The following MED15 variants were observed in gnomAD, a reference collection of about 807,000 sequenced individuals.
The protein encoded by MED15 is mediator complex subunit 15, also known as mediator of RNA polymerase II transcription subunit 15.
A neutral mutation model predicts 118.7 loss-of-function variants in MED15; 41 were observed. That is an observed-to-expected ratio of 0.35 (90% CI 0.27 to 0.45). The LOEUF (loss-of-function observed/expected upper bound fraction) is 0.45, where lower values mean the gene tolerates loss of function less well. MED15 is among the 20% of genes least tolerant of loss of function. The pLI is 1.00. For missense variants in MED15, 740 were observed against 1,025.5 expected (o/e 0.72, Z 3.80); for synonymous variants, 436 against 413.9 (o/e 1.05, Z -0.65).
At chr22:20,558,153 T>C (rs895111766) in intron 5 of MED15, among the ~76,000 whole-genome samples, 3 of 152,148 alleles carry the variant, frequency 2.0e-5, no homozygotes, top group Non-Finnish European at 4.4e-5. Flanking sequence ...CAGGATCTTG[T>C]TACCACCTTT....
chr22:20,551,713 C>G, intron 3 of MED15: 1 of 589,428 alleles, frequency 1.7e-6, no homozygotes, highest in Non-Finnish European at 3.0e-6. Context: ...CATGGAAATG[C>G]TGTCCTCAAA....
intron 1 of MED15, among the ~76,000 whole-genome samples, chr22:20,513,423 C>T (rs1383392253): frequency 1.3e-5 from 2 of 151,934 alleles, no homozygotes; most frequent in Admixed American, 6.6e-5. Context: ...GGATTACAGG[C>T]ACCCGCCACC....
chr22:20,564,325 T>G, intron 5 of MED15, 125 bp from the exon 6 acceptor site: 1 of 1,501,100 alleles, frequency 6.7e-7, no homozygotes, highest in Middle Eastern at 1.8e-4. Context: ...AATGGAACGT[T>G]CAGATTCCAG....
chr22:20,534,427 A>AG (rs2054979042), intron 1 of MED15, among the ~76,000 whole-genome samples: 2 of 152,090 alleles, frequency 1.3e-5, no homozygotes, highest in South Asian at 4.1e-4. Context: ...TGGGAGGCTG[A>AG]GGTGAGAGGA....
At chr22:20,559,678 T>C (rs2056156388) in intron 5 of MED15, among the ~76,000 whole-genome samples, 1 of 152,192 alleles carries the variant, frequency 6.6e-6, no homozygotes, top group African/African-American at 2.4e-5. Context: ...AATAGAATAT[T>C]GTTAAAGCAT....
intron 8 of MED15, 82 bp downstream of exon 8, chr22:20,568,713 T>C (rs1465889661): frequency 3.2e-6 from 5 of 1,544,750 alleles, no homozygotes; most frequent in Non-Finnish European, 4.4e-6. Flanking sequence ...GTGAGGGTTC[T>C]GGTTGGATTA....
chr22:20,563,055 C>G (rs1241202813), intron 5 of MED15, among the ~76,000 whole-genome samples: 1 of 151,984 alleles, frequency 6.6e-6, no homozygotes, highest in Non-Finnish European at 1.5e-5. Context: ...AAATCTTACA[C>G]CCATCAGAAT....
chr22:20,584,581 C>A, intron 14 of MED15, 156 bp downstream of exon 14: 1 of 957,646 alleles, frequency 1.0e-6, no homozygotes, highest in Non-Finnish European at 1.6e-6. Context: ...GTCTGCTGTG[C>A]TGGGTGGGAA....
chr22:20,585,523 G>A, intron 16 of MED15: 1 of 683,722 alleles, frequency 1.5e-6, no homozygotes, highest in East Asian at 2.7e-5. Context: ...TAGGGAGGTG[G>A]TAGGCAGGAC....
At chr22:20,539,235 A>C (rs1400823964) in intron 2 of MED15, among the ~76,000 whole-genome samples, 1 of 151,984 alleles carries the variant, frequency 6.6e-6, no homozygotes, top group Non-Finnish European at 1.5e-5. Flanking sequence ...AGTAGCTGGG[A>C]TTACAGGTGT....
intron 13 of MED15, 71 bp from the exon 14 acceptor site, chr22:20,584,288 G>A: frequency 6.7e-7 from 1 of 1,484,792 alleles, no homozygotes; most frequent in Non-Finnish European, 9.4e-7. Flanking sequence ...CCCAGTGGCA[G>A]TAGTTGGGAT....
At chr22:20,554,035 C>A (rs2055891299) in intron 4 of MED15, among the ~76,000 whole-genome samples, 1 of 152,232 alleles carries the variant, frequency 6.6e-6, no homozygotes, top group Non-Finnish European at 1.5e-5. Flanking sequence ...AGTGCACTGA[C>A]CTCACAGGCT....
chr22:20,566,385 T>C (rs1036920055), intron 6 of MED15, 82 bp from the exon 7 acceptor site: 5 of 1,572,192 alleles, frequency 3.2e-6, no homozygotes, highest in Non-Finnish European at 3.4e-6. Context: ...CTGGGCTTCC[T>C]GAGGCCCAGA....
intron 7 of MED15, 150 bp downstream of exon 7, chr22:20,566,967 A>G: frequency 7.2e-7 from 1 of 1,387,632 alleles, no homozygotes; most frequent in East Asian, 2.4e-5. Flanking sequence ...TGCCGACTCT[A>G]GCATGGCTCA....
chr22:20,558,660 G>A (rs2056111508), intron 5 of MED15, among the ~76,000 whole-genome samples: 1 of 152,160 alleles, frequency 6.6e-6, no homozygotes, highest in South Asian at 2.1e-4. Flanking sequence ...AGCAGTTGGG[G>A]AGGCTTTGTC....
In MED15 at chr22:20,534,930, T is replaced by TC. The variant is rs373486350; in HGVS notation, c.69-2184dup. Reference sequence around the variant, plus strand: ...AGAAACCCCTTGCTGCCTCCTCGCCTCCCTTCAGGCTTCAGGAAGCAGACA... The same window carrying TC: ...AGAAACCCCTTGCTGCCTCCTCGCCTCCCCTTCAGGCTTCAGGAAGCAGACA... On this transcript the variant is annotated intron_variant, in intron 1 of 17. Coordinates refer to ENST00000263205, the MANE Select transcript of MED15 (RefSeq NM_001003891.3). Among the ~76,000 whole-genome samples the TC allele has an allele frequency of 4.2e-3, 647 of 152,246 alleles. 7 individuals carry two copies. The highest frequency in any genetic ancestry group is 0.015 in the African/African-American group (618 of 41,538).
intron 4 of MED15, chr22:20,554,126 C>G (rs1271532644): frequency 5.9e-5 from 9 of 152,392 alleles, no homozygotes; most frequent in African/African-American, 9.6e-5. Context: ...CACCTCTCAG[C>G]CAGGACAGGG....
chr22:20,579,744 G>C (rs1228833487), intron 9 of MED15, among the ~76,000 whole-genome samples: 1 of 152,108 alleles, frequency 6.6e-6, no homozygotes, highest in African/African-American at 2.4e-5. Flanking sequence ...CTGGGGTGTT[G>C]ATGTTTAGCG....
At chr22:20,584,753 C>T (rs1057047618) in intron 14 of MED15, 102 bp from the exon 15 acceptor site, 48 of 1,422,108 alleles carry the variant, frequency 3.4e-5, no homozygotes, top group African/African-American at 4.2e-5. Context: ...AGAGAGGCCT[C>T]GGGAATCTGA....
Sources: allele counts gnomAD v4.1 joint callset (sites outside exome capture counted in the v4.1 genomes callset), GRCh38; gene constraint gnomAD v4.1.1; transcripts MANE v1.5; gene names NCBI Gene and HGNC (gene_info 2026-07-23, HGNC 2026-07-21).